The following WIPF1 variants were observed in gnomAD, a reference collection of about 807,000 sequenced individuals.
WIPF1 encodes WAS/WASL interacting protein family member 1, also known as WAS/WASL-interacting protein family member 1.
Under a neutral mutation model 35.4 loss-of-function variants are expected in WIPF1, and 13 were observed. The ratio of observed to expected loss-of-function variants is 0.37; its 90% CI spans 0.24 to 0.58. The LOEUF (loss-of-function observed/expected upper bound fraction) is 0.58. Ranked by LOEUF, WIPF1 falls within the 20% of genes least tolerant of loss-of-function variation. The pLI is 0.74. For missense variants in WIPF1, 591 were observed against 667.0 expected, an observed-to-expected ratio of 0.89 and a Z score of 1.25; for synonymous variants, 267 against 266.3, an observed-to-expected ratio of 1.00 and a Z score of -0.02.
intron 1 of WIPF1, among the ~76,000 whole-genome samples, chr2:174,662,220 A>G (rs1559175802): frequency 1.3e-5 from 2 of 152,206 alleles, no homozygotes; most frequent in South Asian, 2.1e-4. Flanking sequence ...ATGCTATGAA[A>G]ACGGTTGTTA....
rs867593115 is a variant in WIPF1, at chr2:174,627,380, A to G, written c.-38-41769T>C. Among the ~76,000 whole-genome samples the G allele has an allele frequency of 6.6e-5, 10 of 152,136 alleles. 1 individual carries two copies. Among genetic ancestry groups the G allele is most frequent in the Middle Eastern group, 6.3e-3 (2 of 316 alleles). On this transcript the variant is annotated intron_variant, in intron 1 of 8. Transcript: ENST00000272746. Reference sequence around the variant, plus strand: ...ACTTTGAAAACATCCAGTGTCCAAAAAAAGGTCTTATGATTTTCTTTTCTT... The same window carrying G: ...ACTTTGAAAACATCCAGTGTCCAAAGAAAGGTCTTATGATTTTCTTTTCTT...
At chr2:174,576,842 A>T (rs1250992685) in intron 3 of WIPF1, among the ~76,000 whole-genome samples, 1 of 152,222 alleles carries the variant, frequency 6.6e-6, no homozygotes, top group Non-Finnish European at 1.5e-5. Flanking sequence ...CTCTTAATTT[A>T]TGTATGTATG....
intron 1 of WIPF1, among the ~76,000 whole-genome samples, chr2:174,648,478 C>T (rs1188083174): frequency 6.6e-6 from 1 of 151,900 alleles, no homozygotes; most frequent in Non-Finnish European, 1.5e-5. Context: ...GTGTAAACTG[C>T]CTTTTAACCT....
intron 1 of WIPF1, among the ~76,000 whole-genome samples, chr2:174,637,710 C>T (rs1202464195): frequency 1.3e-5 from 2 of 152,190 alleles, no homozygotes; most frequent in Non-Finnish European, 2.9e-5. Flanking sequence ...CGGTGTGAAC[C>T]CGGGAGGCGG....
At chr2:174,649,329 C>T (rs1393451116) in intron 1 of WIPF1, among the ~76,000 whole-genome samples, 1 of 152,160 alleles carries the variant, frequency 6.6e-6, no homozygotes, top group African/African-American at 2.4e-5. Flanking sequence ...GGAGAGATTG[C>T]TCCTTCTGGG....
chr2:174,641,979 G>A lies in WIPF1; in HGVS notation c.-39+40795C>T, dbSNP rs148659982. Among the ~76,000 whole-genome samples, 244 of 152,170 alleles carry A rather than the reference G, an allele frequency of 1.6e-3. 3 individuals are homozygous for A. The highest frequency in any genetic ancestry group is 5.6e-3 in the African/African-American group (233 of 41,510). ...GCCAATATACAGGTTCAGTTCTATC[G>A]GTGCAGAGACTCAGAGCCTAACTGC... is the stretch of plus-strand genomic sequence containing the variant. On this transcript the variant is annotated intron_variant, in intron 1 of 8. Coordinates refer to the WIPF1 transcript ENST00000272746.
In WIPF1 at chr2:174,571,627, T is replaced by A; in HGVS notation, c.1129+49A>T. 6.2e-7 allele frequency: 1 copy of A among 1,611,976 alleles called. No homozygotes were observed. Among genetic ancestry groups the A allele is most frequent in the African/African-American group, 1.3e-5 (1 of 75,008 alleles). ...CTTGACTGACAGGATTATTGGTACATTTGGGCAGGCTGGGTTTTGGAAGCA... is the reference window on the plus strand; with the variant it reads ...CTTGACTGACAGGATTATTGGTACAATTGGGCAGGCTGGGTTTTGGAAGCA... On this transcript the variant is annotated intron_variant, in intron 5 of 7. Coordinates refer to ENST00000679041, the MANE Select transcript of WIPF1 (RefSeq NM_001375834.1). This position sits in a 1 kb window ranked among gnomAD's most constrained non-coding sequence, Gnocchi z 4.6.
chr2:174,592,240 TC>T, intron 1 of WIPF1, among the ~76,000 whole-genome samples: 1 of 152,096 alleles, frequency 6.6e-6, no homozygotes, highest in Admixed American at 6.6e-5. Flanking sequence ...TTCCTAATAG[TC>T]CCCAGTGAAC....
At chr2:174,623,405 T>C (rs780091037) in intron 1 of WIPF1, 1 of 152,218 alleles carries the variant, frequency 6.6e-6, no homozygotes, top group Non-Finnish European at 1.5e-5. Context: ...TCACATGTTG[T>C]TGGCAGGATT....
At chr2:174,606,592 C>T (rs1456505193) in intron 1 of WIPF1, among the ~76,000 whole-genome samples, 2 of 152,042 alleles carry the variant, frequency 1.3e-5, no homozygotes, top group African/African-American at 2.4e-5. Context: ...ATGTCAGTCC[C>T]GGAAAAGTCT....
At chr2:174,661,086 A>C (rs962160191) in intron 1 of WIPF1, among the ~76,000 whole-genome samples, 7 of 152,176 alleles carry the variant, frequency 4.6e-5, no homozygotes, top group African/African-American at 1.7e-4. Flanking sequence ...CCATCCTTTG[A>C]ATCCCAAGGC....
chr2:174,664,944 T>C (rs1210085982), intron 1 of WIPF1, among the ~76,000 whole-genome samples: 1 of 152,226 alleles, frequency 6.6e-6, no homozygotes, highest in Non-Finnish European at 1.5e-5. Flanking sequence ...GGATCTTTCT[T>C]ATCTAAACCA....
chr2:174,651,343 A>G (rs1687528875), intron 1 of WIPF1, among the ~76,000 whole-genome samples: 1 of 152,248 alleles, frequency 6.6e-6, no homozygotes, highest in South Asian at 2.1e-4. Flanking sequence ...CTTTTTTAAA[A>G]AAAAACAACA....
At position 174,572,170 on chromosome 2, in the gene WIPF1, T is replaced by A. The variant is rs751745775; in HGVS notation, c.635A>T (p.Gln212Leu). 1.2e-5 allele frequency: 19 copies of A among 1,613,974 alleles called. No homozygotes were observed. Among genetic ancestry groups the A allele is most frequent in the Non-Finnish European group, 1.4e-5 (17 of 1,179,952 alleles). The change falls in exon 5 of 8, where the codon CAG (glutamine) becomes CTG (leucine). Residue 212 changes from glutamine to leucine, a missense_variant. Gln to Leu is a moderately radical substitution (Grantham distance 113). Coordinates refer to ENST00000679041, the MANE Select transcript of WIPF1 (RefSeq NM_001375834.1). ...GGGAGGAGTGGGCCCGGGGCTGGGC[T>A]GCCTGGGGCCTCCGGGCACTGGTGG... is the stretch of plus-strand genomic sequence containing the variant. ...GSPPVPGGPR[Q>L]PSPGPTPPPF...
At chr2:174,667,759 T>A (rs1687923027) in intron 1 of WIPF1, among the ~76,000 whole-genome samples, 1 of 152,204 alleles carries the variant, frequency 6.6e-6, no homozygotes, top group African/African-American at 2.4e-5. Context: ...AGGCTGAGGC[T>A]AGGCTGCCTA....
intron 1 of WIPF1, among the ~76,000 whole-genome samples, chr2:174,595,605 T>C (rs1685797574): frequency 6.6e-6 from 1 of 152,160 alleles, no homozygotes; most frequent in South Asian, 2.1e-4. Context: ...AATATCACAG[T>C]CTTTCCCCCT....
intron 1 of WIPF1, among the ~76,000 whole-genome samples, chr2:174,624,771 C>A (rs980637696): frequency 3.3e-5 from 5 of 152,120 alleles, no homozygotes; most frequent in African/African-American, 1.2e-4. Context: ...AGGGTGATGA[C>A]AATTCGCCAA....
At chr2:174,654,580 C>A (rs1270787839) in intron 1 of WIPF1, among the ~76,000 whole-genome samples, 1 of 151,884 alleles carries the variant, frequency 6.6e-6, no homozygotes, top group Non-Finnish European at 1.5e-5. Context: ...TGGAACCAAC[C>A]CCCTTTCTCT....
intron 1 of WIPF1, among the ~76,000 whole-genome samples, chr2:174,635,830 G>A (rs1007987178): frequency 4.6e-5 from 7 of 152,058 alleles, no homozygotes; most frequent in African/African-American, 9.7e-5. Flanking sequence ...ATAATTCCCC[G>A]ATGAAGTTTT....
Sources: gnomAD v4.1 joint callset for allele counts (sites outside exome capture counted in the v4.1 genomes callset) on GRCh38, gnomAD v4.1.1 for gene constraint, Gnocchi (gnomAD v3.1) non-coding constraint, MANE v1.5 for transcripts, NCBI Gene and HGNC (gene_info 2026-07-23, HGNC 2026-07-21) for gene names.